SPIDR: variants seen among roughly 807,000 people sequenced by gnomAD.
SPIDR encodes scaffold protein involved in DNA repair.
A neutral mutation model predicts 104.6 loss-of-function variants in SPIDR; 93 were observed. The ratio of observed to expected loss-of-function variants is 0.89; its 90% CI spans 0.75 to 1.06. The LOEUF (loss-of-function observed/expected upper bound fraction) is 1.06, where lower values mean the gene tolerates loss of function less well. Ranked by LOEUF, SPIDR falls within the 50% of genes least tolerant of loss-of-function variation. The pLI is 0.00. For synonymous variants in SPIDR, 431 were observed against 416.9 expected (o/e 1.03, Z -0.41); for missense variants, 1,154 against 1,111.2 (o/e 1.04, Z -0.55).
chr8:47,295,580 C>G (rs1405788979), intron 5 of SPIDR, among the ~76,000 whole-genome samples: 2 of 152,112 alleles, frequency 1.3e-5, no homozygotes, highest in African/African-American at 4.8e-5. Flanking sequence ...CCTGGCTTAT[C>G]TGAGTTAACG....
chr8:47,306,445 T>C (rs1270056774), intron 5 of SPIDR, among the ~76,000 whole-genome samples: 5 of 152,174 alleles, frequency 3.3e-5, no homozygotes, highest in Non-Finnish European at 5.9e-5. Context: ...CCGGCTAGAA[T>C]TTCCTTCTTT....
At chr8:47,313,410 AGAG>A (rs1449875755) in intron 5 of SPIDR, among the ~76,000 whole-genome samples, 11 of 152,238 alleles carry the variant, frequency 7.2e-5, no homozygotes, top group South Asian at 6.2e-4. Flanking sequence ...ATGAAATAAA[AGAG>A]GATACAAACA....
chr8:47,396,014 G>A (rs2061203319), intron 5 of SPIDR, among the ~76,000 whole-genome samples: 1 of 152,174 alleles, frequency 6.6e-6, no homozygotes, highest in Admixed American at 6.5e-5. Flanking sequence ...TCCAGTAGCT[G>A]TCAGATTGTA....
chr8:47,723,025 A>ATTGTTG (rs369381394), intron 16 of SPIDR, among the ~76,000 whole-genome samples: 22 of 150,708 alleles, frequency 1.5e-4, no homozygotes, highest in South Asian at 2.1e-4. Flanking sequence ...TGTTGTTGTT[A>ATTGTTG]TTGTTGTTGT....
At chr8:47,679,111 C>T (rs1164046317) in intron 11 of SPIDR, among the ~76,000 whole-genome samples, 1 of 152,210 alleles carries the variant, frequency 6.6e-6, no homozygotes, top group Non-Finnish European at 1.5e-5. Context: ...AGGGTGCCCT[C>T]TGGCACCATG....
intron 10 of SPIDR, among the ~76,000 whole-genome samples, chr8:47,614,355 G>A (rs1001585499): frequency 1.3e-5 from 2 of 152,120 alleles, no homozygotes; most frequent in African/African-American, 4.8e-5. Context: ...CCAGGTAGCT[G>A]GGACTACAGA....
At chr8:47,414,643 G>T (rs913460790) in intron 7 of SPIDR, among the ~76,000 whole-genome samples, 1 of 152,136 alleles carries the variant, frequency 6.6e-6, no homozygotes, top group Non-Finnish European at 1.5e-5. Context: ...AAGTTGTTGT[G>T]TATGTCAGTA....
chr8:47,399,919 G>C (rs965917690), intron 6 of SPIDR, among the ~76,000 whole-genome samples: 8 of 152,218 alleles, frequency 5.3e-5, no homozygotes, highest in Non-Finnish European at 8.8e-5. Flanking sequence ...CGGGCGCCCA[G>C]AGTTGAGCCG....
At chr8:47,457,385 C>T (rs1191997380) in intron 8 of SPIDR, among the ~76,000 whole-genome samples, 5 of 151,982 alleles carry the variant, frequency 3.3e-5, no homozygotes, top group African/African-American at 4.8e-5. Flanking sequence ...TTCATATGTT[C>T]ATTGGCCATT....
At chr8:47,735,115 T>G (rs900639575) in intron 19 of SPIDR, among the ~76,000 whole-genome samples, 192 bp from the exon 20 acceptor site, 18 of 136,260 alleles carry the variant, frequency 1.3e-4, no homozygotes, top group Middle Eastern at 3.6e-3. Flanking sequence ...TGTGTGGGTG[T>G]GTGTGTGTGT....
chr8:47,459,940 G>A (rs1339190024), intron 8 of SPIDR, among the ~76,000 whole-genome samples: 4 of 151,990 alleles, frequency 2.6e-5, no homozygotes. Flanking sequence ...GTATTTGCAT[G>A]GTTTTGAAGG....
chr8:47,689,671 C>A (rs534239365), intron 11 of SPIDR, among the ~76,000 whole-genome samples: 1 of 152,218 alleles, frequency 6.6e-6, no homozygotes, highest in South Asian at 2.1e-4. Context: ...ATGGGTAGAA[C>A]AGAGTCCACA....
At chr8:47,343,312 C>T (rs1378690994) in intron 5 of SPIDR, among the ~76,000 whole-genome samples, 1 of 152,102 alleles carries the variant, frequency 6.6e-6, no homozygotes, top group African/African-American at 2.4e-5. Flanking sequence ...ACTCGAGTCT[C>T]TTCTTTAGGT....
chr8:47,600,401 C>G (rs1223159950), intron 10 of SPIDR, among the ~76,000 whole-genome samples: 1 of 152,044 alleles, frequency 6.6e-6, no homozygotes, highest in Admixed American at 6.5e-5. Flanking sequence ...CCTTCTGATG[C>G]CAGAGAGAGA....
intron 5 of SPIDR, among the ~76,000 whole-genome samples, chr8:47,393,155 C>T (rs1163466611): frequency 6.6e-6 from 1 of 152,164 alleles, no homozygotes; most frequent in Non-Finnish European, 1.5e-5. Flanking sequence ...CCAGTTTTTC[C>T]CCAGGTATCC....
intron 8 of SPIDR, among the ~76,000 whole-genome samples, chr8:47,491,042 A>AG (rs2078623583): frequency 6.6e-6 from 1 of 152,210 alleles, no homozygotes; most frequent in East Asian, 1.9e-4. Flanking sequence ...CACGTGTCAA[A>AG]AACATTTTTA....
At chr8:47,459,792 A>T (rs550118893) in intron 8 of SPIDR, among the ~76,000 whole-genome samples, 1 of 152,202 alleles carries the variant, frequency 6.6e-6, no homozygotes, top group South Asian at 2.1e-4. Context: ...GTTTCCTCTT[A>T]CCACCACCTT....
At chr8:47,472,609 A>G (rs2078381602) in intron 8 of SPIDR, among the ~76,000 whole-genome samples, 1 of 152,206 alleles carries the variant, frequency 6.6e-6, no homozygotes. Flanking sequence ...TTTCTGAAAG[A>G]ATGTGAGTTA....
chr8:47,661,896 A>C (rs764396848), intron 10 of SPIDR, among the ~76,000 whole-genome samples: 12 of 152,166 alleles, frequency 7.9e-5, no homozygotes, highest in Admixed American at 3.3e-4. Context: ...TGCTGGTTTG[A>C]GTCACATTCT....
Sources: gnomAD v4.1 joint callset for allele counts (sites outside exome capture counted in the v4.1 genomes callset) on GRCh38, gnomAD v4.1.1 for gene constraint, MANE v1.5 for transcripts, NCBI Gene and HGNC (gene_info 2026-07-23, HGNC 2026-07-21) for gene names.